Variants in PPP1R12B observed in about 807,000 individuals in gnomAD.
PPP1R12B encodes the protein myosin phosphatase target subunit 2.
Under a neutral mutation model 126.1 loss-of-function variants are expected in PPP1R12B, and 76 were observed. That is an observed-to-expected ratio of 0.60 (90% CI 0.50 to 0.73). The LOEUF (loss-of-function observed/expected upper bound fraction) is 0.73, where lower values mean the gene tolerates loss of function less well. PPP1R12B is among the 30% of genes least tolerant of loss of function. The probability of loss-of-function intolerance (pLI) is 0.00; values close to 1 mark genes in which losing one functional copy is unlikely to be tolerated. For missense variants in PPP1R12B, 1,052 were observed against 1,205.1 expected (o/e 0.87, Z 1.88); for synonymous variants, 356 against 434.7 (o/e 0.82, Z 2.25).
intron 1 of PPP1R12B, among the ~76,000 whole-genome samples, chr1:202,412,016 A>G (rs1282593874): frequency 6.6e-6 from 1 of 152,202 alleles, no homozygotes; most frequent in African/African-American, 2.4e-5. Context: ...GGTATGGGGA[A>G]TGATTTAGAC....
chr1:202,381,339 T>G (rs1229419446), intron 1 of PPP1R12B, among the ~76,000 whole-genome samples: 1 of 151,884 alleles, frequency 6.6e-6, no homozygotes, highest in African/African-American at 2.4e-5. Flanking sequence ...CTGATCTAGA[T>G]ATCTGAGTAT....
intron 18 of PPP1R12B, among the ~76,000 whole-genome samples, chr1:202,515,366 A>G (rs12727601): frequency 6.6e-6 from 1 of 152,228 alleles, no homozygotes; most frequent in East Asian, 1.9e-4. Context: ...CAAAGACTCA[A>G]TGTGACAGAA....
chr1:202,439,145 G>T, intron 10 of PPP1R12B: 1 of 1,582,374 alleles, frequency 6.3e-7, no homozygotes, highest in Admixed American at 1.7e-5. Flanking sequence ...GTAGTTGAAG[G>T]TGAAGTGTCT....
intron 18 of PPP1R12B, among the ~76,000 whole-genome samples, chr1:202,526,088 A>G (rs1260073397): frequency 1.3e-5 from 2 of 152,210 alleles, no homozygotes; most frequent in Non-Finnish European, 2.9e-5. Flanking sequence ...GGGAGGAAGA[A>G]TGGAGAACTG....
intron 9 of PPP1R12B, 93 bp from the exon 10 acceptor site, chr1:202,437,728 G>A (rs1405582846): frequency 8.6e-6 from 10 of 1,159,322 alleles, no homozygotes; most frequent in Admixed American, 2.5e-5. Flanking sequence ...ATGTTGCCTC[G>A]CTGAACTTAG....
Position 202,510,864 on chromosome 1 carries a change from GTA to G in PPP1R12B, c.2490+14052_2490+14053del, listed in dbSNP as rs544552201. On this transcript the variant is annotated intron_variant, in intron 18 of 23. Transcript: ENST00000608999. ...TCCAATACAAGTTTTATTCAGGCAA[GTA>G]TATATATATTATATATTATATATTT... is the stretch of plus-strand genomic sequence containing the variant. Among the ~76,000 whole-genome samples, 113 of 145,532 alleles carry G rather than the reference GTA, an allele frequency of 7.8e-4. No homozygotes were observed. The South Asian group carries it at 0.011, about 15-fold the overall frequency.
intron 6 of PPP1R12B, 35 bp downstream of exon 6, chr1:202,428,964 A>G (rs1362591492): frequency 1.9e-6 from 3 of 1,549,060 alleles, no homozygotes; most frequent in African/African-American, 2.8e-5. Flanking sequence ...AAAGTTTTCT[A>G]ATAGTTTGCA....
At chr1:202,377,820 T>A (rs1288307404) in intron 1 of PPP1R12B, among the ~76,000 whole-genome samples, 1 of 141,130 alleles carries the variant, frequency 7.1e-6, no homozygotes, top group East Asian at 2.1e-4. Flanking sequence ...GAAAGAAAGG[T>A]CAAAGACAGG....
intron 13 of PPP1R12B, among the ~76,000 whole-genome samples, chr1:202,475,295 T>C (rs10494832): frequency 0.12 from 17,601 of 152,264 alleles, 1,261 homozygotes; most frequent in Middle Eastern, 0.17. Flanking sequence ...CTAATATTTT[T>C]AATGTTTATA....
At chr1:202,558,428 C>T (rs1217064521) in intron 18 of PPP1R12B, among the ~76,000 whole-genome samples, 1 of 151,928 alleles carries the variant, frequency 6.6e-6, no homozygotes, top group African/African-American at 2.4e-5. Context: ...TTTGTAGTTG[C>T]AGTATTCACT....
At chr1:202,487,675 C>T (rs974960131) in intron 13 of PPP1R12B, among the ~76,000 whole-genome samples, 5 of 151,456 alleles carry the variant, frequency 3.3e-5, no homozygotes, top group Non-Finnish European at 7.4e-5. Context: ...GTGGTGCATT[C>T]TCAGCTTACT....
At chr1:202,351,236 G>GTTGTTA (rs1655926491) in intron 1 of PPP1R12B, among the ~76,000 whole-genome samples, 1 of 146,262 alleles carries the variant, frequency 6.8e-6, no homozygotes, top group Admixed American at 6.7e-5. Flanking sequence ...TGTTGTTGTT[G>GTTGTTA]TTGTTTAAAA....
intron 22 of PPP1R12B, among the ~76,000 whole-genome samples, chr1:202,568,169 T>TATAC (rs1553324753): frequency 2.0e-5 from 3 of 147,360 alleles, no homozygotes; most frequent in Non-Finnish European, 4.5e-5. Context: ...AATCATTGCA[T>TATAC]ACACACACAC....
In PPP1R12B at chr1:202,488,091, C is replaced by T. The variant is rs148260330; in HGVS notation, c.1851-442C>T. ...CAGTTATAACAAAATGCCAGCATCA[C>T]TACTCTTGCACTTTGGGGCCATTAT... On this transcript the variant is annotated intron_variant, in intron 13 of 23. Transcript: ENST00000608999. Among the ~76,000 whole-genome samples, 3 of 152,288 alleles carry T rather than the reference C, an allele frequency of 2.0e-5. No homozygotes were observed. In the East Asian group the frequency reaches 5.8e-4, roughly 29 times the overall value.
intron 1 of PPP1R12B, among the ~76,000 whole-genome samples, chr1:202,399,718 G>A (rs1236654499): frequency 1.3e-5 from 2 of 151,920 alleles, no homozygotes; most frequent in Non-Finnish European, 2.9e-5. Flanking sequence ...GGATGGTCTC[G>A]ATCTCCTGAC....
In PPP1R12B at chr1:202,592,249, G is replaced by A. The variant is rs1183583654; in HGVS notation, c.*11689G>A. 1.3e-5 allele frequency: 2 copies of A among 152,898 alleles called. No homozygotes were observed. The highest frequency in any genetic ancestry group is 3.4e-3 in the Middle Eastern group (1 of 294). 9.5% of individuals were successfully genotyped at this position (152,898 alleles called of 1,614,324 possible). On this transcript the variant is annotated 3_prime_UTR_variant, in exon 24 of 24. Coordinates refer to ENST00000608999, the MANE Select transcript of PPP1R12B (RefSeq NM_002481.4). Reference sequence around the variant, plus strand: ...CAGGCTGGACACTGCACCGGGCCCTGAGGTTTGGCTCTGCAGGCAGATGTG... The same window carrying A: ...CAGGCTGGACACTGCACCGGGCCCTAAGGTTTGGCTCTGCAGGCAGATGTG...
intron 1 of PPP1R12B, 101 bp downstream of exon 1, chr1:202,349,243 T>G: frequency 7.3e-7 from 1 of 1,367,528 alleles, no homozygotes; most frequent in Non-Finnish European, 1.0e-6. Context: ...CGCCGACTCC[T>G]TCTGCATGGA....
At chr1:202,495,527 C>A in intron 16 of PPP1R12B, 43 bp from the exon 17 acceptor site, 2 of 1,610,750 alleles carry the variant, frequency 1.2e-6, no homozygotes, top group Non-Finnish European at 1.7e-6. Context: ...CAGTGCACAT[C>A]CCCAGATTCT....
chr1:202,397,764 G>A (rs1027640464), intron 1 of PPP1R12B, among the ~76,000 whole-genome samples: 1 of 152,106 alleles, frequency 6.6e-6, no homozygotes, highest in Non-Finnish European at 1.5e-5. Context: ...ACTATCCCTT[G>A]AGTTAGCAAT....
Sources: allele counts gnomAD v4.1 joint callset (sites outside exome capture counted in the v4.1 genomes callset), GRCh38; gene constraint gnomAD v4.1.1; transcripts MANE v1.5; gene names NCBI Gene and HGNC (gene_info 2026-07-23, HGNC 2026-07-21).